PRRG1: variants seen among roughly 807,000 people sequenced by gnomAD.
PRRG1 encodes transmembrane gamma-carboxyglutamic acid protein 1.
PRRG1 carries 5 observed loss-of-function variants against 11.8 expected under a neutral mutation model. That is an observed-to-expected ratio of 0.42 (90% CI 0.22 to 0.89). The LOEUF (loss-of-function observed/expected upper bound fraction) is 0.89. Ranked by LOEUF, PRRG1 falls within the 40% of genes least tolerant of loss-of-function variation. The pLI is 0.28. For synonymous variants in PRRG1, 66 were observed against 60.4 expected (o/e 1.09, Z -0.43); for missense variants, 155 against 166.1 (o/e 0.93, Z 0.37).
rs1921349945 is a variant in PRRG1, at chrX:37,456,151, C to G, written c.*2530C>G. On this transcript the variant is annotated 3_prime_UTR_variant, in exon 4 of 4. Transcript: ENST00000378628. ...AATAAGTTAATACTTTAAAAATTTT[C>G]AGGTTTTTTTAGTATGGTGAATATT... 2 of 111,479 alleles carry G rather than the reference C, an allele frequency of 1.8e-5. No individual in the cohort carries two copies. Among genetic ancestry groups the G allele is most frequent in the African/African-American group, 6.5e-5 (2 of 30,666 alleles). The allele number at this position is 111,479 out of a possible 1,213,427, so 9.2% of individuals were successfully genotyped here. A position where few individuals can be genotyped will look rare whatever the true frequency, so the allele number is the denominator to read the frequency against.
intron 3 of PRRG1, among the ~76,000 whole-genome samples, chrX:37,448,238 C>G (rs1362599088): frequency 2.7e-5 from 3 of 112,293 alleles, no homozygotes; most frequent in Non-Finnish European, 5.6e-5. Context: ...GCTAAAGAGC[C>G]CCAGTTGCAA....
At position 37,456,733 on chromosome X, in the gene PRRG1, T is replaced by C. The variant is rs1368966273; in HGVS notation, c.*3112T>C. The stretch of plus-strand genomic sequence containing the variant: ...GTTTGTTTGGAATAATATATATTTT[T>C]TATGCTTTTGTCTTTCTTACCTGAT... On this transcript the variant is annotated 3_prime_UTR_variant, in exon 4 of 4. Coordinates refer to ENST00000378628, the MANE Select transcript of PRRG1 (RefSeq NM_001142395.2). The C allele has an allele frequency of 8.9e-6, 1 of 112,679 alleles. No homozygotes were observed. Among genetic ancestry groups the C allele is most frequent in the African/African-American group, 3.2e-5 (1 of 31,040 alleles). The allele number at this position is 112,679 out of a possible 1,213,427, so 9.3% of individuals were successfully genotyped here.
chrX:37,366,870 A>G (rs1569435762), intron 1 of PRRG1, among the ~76,000 whole-genome samples: 1 of 111,565 alleles, frequency 9.0e-6, no homozygotes, highest in Non-Finnish European at 1.9e-5. Context: ...CAAGGAAGAT[A>G]CCAAGACCCG....
At chrX:37,360,600 A>G (rs1453307462) in intron 1 of PRRG1, among the ~76,000 whole-genome samples, 2 of 112,320 alleles carry the variant, frequency 1.8e-5, no homozygotes, top group African/African-American at 6.5e-5. Flanking sequence ...CATATTCCAC[A>G]TGAGCTTGAG....
chrX:37,354,432 G>A (rs1226340761), intron 1 of PRRG1, among the ~76,000 whole-genome samples: 1 of 104,167 alleles, frequency 9.6e-6, no homozygotes, highest in Non-Finnish European at 2.0e-5. Flanking sequence ...TCACTCTGTC[G>A]CCCAGGCTGG....
rs147007057 is a variant in PRRG1, at chrX:37,446,853, A to G, written c.172-6283A>G. On this transcript the variant is annotated intron_variant, in intron 3 of 3. Coordinates refer to ENST00000378628, the MANE Select transcript of PRRG1 (RefSeq NM_001142395.2). ...TGAGGAGGAACCTCCCTTTATAACA[A>G]TCCACTCTCTCGGAAACTAATCCAT... is the stretch of plus-strand genomic sequence containing the variant. Among the ~76,000 whole-genome samples the G allele has an allele frequency of 6.8e-3, 755 of 110,463 alleles. 4 individuals carry two copies. Among genetic ancestry groups the G allele is most frequent in the African/African-American group, 0.024 (717 of 30,249 alleles).
chrX:37,446,464 A>G lies in PRRG1; in HGVS notation c.172-6672A>G, dbSNP rs1055538994. Among the ~76,000 whole-genome samples, 9 of 112,120 alleles carry G rather than the reference A, an allele frequency of 8.0e-5. No individual in the cohort carries two copies. In the East Asian group the frequency reaches 2.5e-3, roughly 31 times the overall value. ...GAAATAATGCATTTCTTTAAGTGTT[A>G]GAAGAAGTAATACATCCGTAATGTT... On this transcript the variant is annotated intron_variant, in intron 3 of 3. Transcript: ENST00000378628.
At chrX:37,392,070 T>C (rs1407524214) in intron 1 of PRRG1, among the ~76,000 whole-genome samples, 1 of 111,203 alleles carries the variant, frequency 9.0e-6, no homozygotes, top group African/African-American at 3.3e-5. Flanking sequence ...AATGGCTGGC[T>C]GCCAGTTTTT....
At chrX:37,396,441 T>C (rs1556378192) in intron 1 of PRRG1, among the ~76,000 whole-genome samples, 1 of 111,514 alleles carries the variant, frequency 9.0e-6, no homozygotes, top group Non-Finnish European at 1.9e-5. Context: ...GGGCAGGTCT[T>C]TCTCGTGCTG....
intron 1 of PRRG1, among the ~76,000 whole-genome samples, chrX:37,382,782 T>A (rs1426851964): frequency 3.6e-5 from 4 of 111,568 alleles, no homozygotes; most frequent in Non-Finnish European, 7.6e-5. Flanking sequence ...TCAAATAAGA[T>A]ACACATGATT....
intron 1 of PRRG1, among the ~76,000 whole-genome samples, chrX:37,377,922 T>C (rs375954105): frequency 8.9e-6 from 1 of 111,814 alleles, no homozygotes; most frequent in East Asian, 2.8e-4. Flanking sequence ...TTGACTCTAG[T>C]GACCTGTAAC....
chrX:37,413,215 A>G lies in PRRG1; in HGVS notation c.10+6956A>G, dbSNP rs187569029. Among the ~76,000 whole-genome samples the G allele has an allele frequency of 3.8e-3, 420 of 110,927 alleles. 4 individuals are homozygous for G. Among genetic ancestry groups the G allele is most frequent in the African/African-American group, 0.013 (409 of 30,563 alleles). On this transcript the variant is annotated intron_variant, in intron 2 of 3. Transcript: ENST00000378628. ...TGTTGTATATTCTATGAGTTTGGGT[A>G]AATGCGTAAAGAATGACATGTACCC...
chrX:37,456,821 C>T lies in PRRG1; in HGVS notation c.*3200C>T, dbSNP rs1274394996. On this transcript the variant is annotated 3_prime_UTR_variant, in exon 4 of 4. Transcript: ENST00000378628. ...TATTTTTACAGAATATATTTAGTACCTTTCTTAAGGAGTAACTGAATTGAA... is the reference window on the plus strand; with the variant it reads ...TATTTTTACAGAATATATTTAGTACTTTTCTTAAGGAGTAACTGAATTGAA... 1 of 111,469 alleles carries T rather than the reference C, an allele frequency of 9.0e-6. No homozygotes were observed. The highest frequency in any genetic ancestry group is 3.3e-5 in the African/African-American group (1 of 30,665). 9.2% of individuals were successfully genotyped at this position (111,469 alleles called of 1,213,427 possible). A position where few individuals can be genotyped will look rare whatever the true frequency, so the allele number is the denominator to read the frequency against.
intron 3 of PRRG1, among the ~76,000 whole-genome samples, chrX:37,438,918 G>A (rs1308424198): frequency 1.8e-5 from 2 of 111,623 alleles, no homozygotes; most frequent in East Asian, 2.8e-4. Context: ...TTAATAACGG[G>A]GTTTCACTAG....
At chrX:37,375,638 G>T (rs1556371882) in intron 1 of PRRG1, among the ~76,000 whole-genome samples, 1 of 111,262 alleles carries the variant, frequency 9.0e-6, no homozygotes, top group African/African-American at 3.3e-5. Context: ...TAAGGGAGTT[G>T]AGTATCTCTG....
chrX:37,356,663 A>G (rs1930245899), intron 1 of PRRG1, among the ~76,000 whole-genome samples: 1 of 111,249 alleles, frequency 9.0e-6, no homozygotes, highest in African/African-American at 3.3e-5. Flanking sequence ...AGGTATGGGT[A>G]AACAGGAAAC....
In PRRG1 at chrX:37,453,550, T is replaced by C. The variant is rs1439718901; in HGVS notation, c.586T>C (p.Tyr196His). 8.3e-7 allele frequency: 1 copy of C among 1,206,816 alleles called. No individual in the cohort carries two copies. The highest frequency in any genetic ancestry group is 1.8e-5 in the African/African-American group (1 of 56,796). ...ACCTCATTTAGACCCACCCCCAGAG[T>C]ATGAGGACATAGTCAACTCCAACTC... is the stretch of plus-strand genomic sequence containing the variant. ...TEPHLDPPPE[Y>H]EDIVNSNSAS... is the part of the protein sequence containing the mutation. Residue 196 changes from tyrosine (Y) to histidine (H), a missense_variant, in exon 4 of 4, where the codon TAT becomes CAT. Physicochemically the swap from Tyr to His is moderately conservative, Grantham distance 83. Transcript: ENST00000378628.
chrX:37,370,099 T>G (rs1334813575), intron 1 of PRRG1, among the ~76,000 whole-genome samples: 1 of 111,894 alleles, frequency 8.9e-6, no homozygotes, highest in East Asian at 2.8e-4. Flanking sequence ...GATATTTAAC[T>G]TTCTGTGCTT....
chrX:37,417,471 A>T (rs782542245), intron 2 of PRRG1, among the ~76,000 whole-genome samples: 19 of 111,928 alleles, frequency 1.7e-4, no homozygotes, highest in Admixed American at 9.6e-5. Context: ...TTATAAACAT[A>T]TCAGCTATGA....
Sources: allele counts gnomAD v4.1 joint callset (sites outside exome capture counted in the v4.1 genomes callset), GRCh38; gene constraint gnomAD v4.1.1; transcripts MANE v1.5; gene names NCBI Gene and HGNC (gene_info 2026-07-23, HGNC 2026-07-21).